Variants in SCN10A observed in about 807,000 individuals in gnomAD.
SCN10A encodes the protein sodium voltage-gated channel alpha subunit 10, also known as sodium channel protein type 10 subunit alpha.
A neutral mutation model predicts 170.7 loss-of-function variants in SCN10A; 162 were observed. The ratio of observed to expected loss-of-function variants is 0.95; its 90% CI spans 0.84 to 1.08. The LOEUF is 1.08. SCN10A is among the 50% of genes least tolerant of loss of function. The probability of loss-of-function intolerance (pLI) is 0.00; values close to 1 mark genes in which losing one functional copy is unlikely to be tolerated. For synonymous variants in SCN10A, 985 were observed against 904.6 expected (o/e 1.09, Z -1.59); for missense variants, 2,527 against 2,436.9 (o/e 1.04, Z -0.78).
rs758554451 is a variant in SCN10A at position 38,714,048 on chromosome 3, C to T, written c.3714G>A (p.Leu1238=). The change falls in exon 22 of 28, where the codon CTG becomes CTA. Residue 1238 remains leucine (L), a synonymous_variant. Transcript: ENST00000449082. Reference sequence around the variant, plus strand: ...TGATGGGAGCCACTTCAGAATATTCCAGAATCTTCGCTGTGAGACTTATCA... The same window carrying T: ...TGATGGGAGCCACTTCAGAATATTCTAGAATCTTCGCTGTGAGACTTATCA... ...ISLISLTAKI[L]EYSEVAPIKA... 3 of 1,614,084 alleles carry T rather than the reference C, an allele frequency of 1.9e-6. No individual in the cohort carries two copies. Among genetic ancestry groups the T allele is most frequent in the East Asian group, 4.5e-5 (2 of 44,896 alleles).
chr3:38,709,547 A>G lies in SCN10A; in HGVS notation c.4212T>C (p.Phe1404=), dbSNP rs370960686. 3.7e-5 allele frequency: 60 copies of G among 1,613,200 alleles called. No individual in the cohort carries two copies. Among genetic ancestry groups the G allele is most frequent in the Middle Eastern group, 1.6e-4 (1 of 6,080 alleles). ...MYLYFVIFII[F]GGFFTLNLFV... is the part of the protein sequence containing the mutation. ...AGAGATTCAGTGTGAAGAAGCCTCC[A>G]AAAATGATGAAGATGACAAAGTACA... The change falls in exon 25 of 28, where the codon TTT becomes TTC. Residue 1404 remains phenylalanine (F), a synonymous_variant. Transcript: ENST00000449082.
chr3:38,793,525 G>T (rs1187258865), intron 2 of SCN10A, among the ~76,000 whole-genome samples: 2 of 152,146 alleles, frequency 1.3e-5, no homozygotes, highest in East Asian at 3.9e-4. Flanking sequence ...TGCTTTTGAA[G>T]ATGTGGGTTT....
At chr3:38,794,411 T>C (rs370528120) in intron 1 of SCN10A, among the ~76,000 whole-genome samples, 174 of 152,294 alleles carry the variant, frequency 1.1e-3, no homozygotes, top group African/African-American at 4.1e-3. Context: ...AAGACTTTGG[T>C]TTATAGTCTA....
intron 2 of SCN10A, 24 bp downstream of exon 2, chr3:38,793,717 G>C (rs1306757722): frequency 1.2e-6 from 2 of 1,602,306 alleles, no homozygotes; most frequent in Non-Finnish European, 1.7e-6. Flanking sequence ...GCTGAGAGCA[G>C]ACATTCCTAC....
intron 13 of SCN10A, among the ~76,000 whole-genome samples, chr3:38,749,004 G>C: frequency 6.6e-6 from 1 of 152,174 alleles, no homozygotes; most frequent in Admixed American, 6.5e-5. Context: ...TGGAGATCCA[G>C]CTGTGAGCAA....
chr3:38,701,819 C>G lies in SCN10A; in HGVS notation c.4657+20G>C. The stretch of plus-strand genomic sequence containing the variant: ...CCCAAACAGAGGTGGGGCTTCCCCA[C>G]CACGTGGCTGCCCACTTACTCGCAA... On this transcript the variant is annotated intron_variant, in intron 27 of 27. Coordinates refer to ENST00000449082, the MANE Select transcript of SCN10A (RefSeq NM_006514.4). 6 of 1,582,344 alleles carry G rather than the reference C, an allele frequency of 3.8e-6. No homozygotes were observed. The highest frequency in any genetic ancestry group is 5.2e-6 in the Non-Finnish European group (6 of 1,162,474).
intron 1 of SCN10A, among the ~76,000 whole-genome samples, chr3:38,805,626 A>G (rs1559473010): frequency 1.3e-5 from 2 of 152,292 alleles, no homozygotes; most frequent in East Asian, 3.9e-4. Context: ...TAAGCTGTCT[A>G]GGAAAGATAT....
At chr3:38,727,086 A>G (rs200046448) in intron 16 of SCN10A, 34 bp from the exon 17 acceptor site, 58 of 1,574,694 alleles carry the variant, frequency 3.7e-5, no homozygotes, top group Middle Eastern at 1.7e-4. Context: ...AGATTGATCA[A>G]TCTCTAAGCT....
At chr3:38,735,266 G>A (rs2063549248) in intron 15 of SCN10A, among the ~76,000 whole-genome samples, 1 of 150,856 alleles carries the variant, frequency 6.6e-6, no homozygotes, top group Non-Finnish European at 1.5e-5. Context: ...ACATTGTATA[G>A]ATAAATTATT....
In SCN10A at chr3:38,772,720, AC is replaced by A. The variant is rs796576438; in HGVS notation, c.471-1314del. Among the ~76,000 whole-genome samples the A allele has an allele frequency of 7.7e-3, 680 of 87,796 alleles. 4 individuals are homozygous for A. Among genetic ancestry groups the A allele is most frequent in the African/African-American group, 0.021 (554 of 26,576 alleles). The allele number at this position is 87,796 out of a possible 152,430, so 57.6% of individuals were successfully genotyped here. A position where few individuals can be genotyped will look rare whatever the true frequency, so the allele number is the denominator to read the frequency against. Reference sequence around the variant, plus strand: ...AACAACAACAACAGCAACAACAACAACAACAAAAACAAAAACAAAAAAAAAA... The same window carrying A: ...AACAACAACAACAGCAACAACAACAAAACAAAAACAAAAACAAAAAAAAAA... On this transcript the variant is annotated intron_variant, in intron 4 of 27. Transcript: ENST00000449082.
chr3:38,805,959 G>C (rs2064402278), intron 1 of SCN10A, among the ~76,000 whole-genome samples: 1 of 152,160 alleles, frequency 6.6e-6, no homozygotes. Context: ...CGCTATCCAT[G>C]GTTCTGAAAT....
In SCN10A at chr3:38,750,086, G is replaced by A. The variant is rs747474998; in HGVS notation, c.1854C>T (p.Thr618=). The change falls in exon 13 of 28, where the codon ACC becomes ACT. Residue 618 remains threonine, a synonymous_variant. Transcript: ENST00000449082. ...QRAMSVVSII[T]SVLEELEESE... ...AGCAGCACTTACCCTCAAGGACGGA[G>A]GTTATGATACTGACAACACTCATTG... 6.2e-7 allele frequency: 1 copy of A among 1,600,628 alleles called. No individual in the cohort carries two copies. Among genetic ancestry groups the A allele is most frequent in the Non-Finnish European group, 8.6e-7 (1 of 1,168,004 alleles).
At chr3:38,786,299 T>TA (rs770097595) in intron 4 of SCN10A, among the ~76,000 whole-genome samples, 4 of 151,932 alleles carry the variant, frequency 2.6e-5, no homozygotes, top group African/African-American at 7.3e-5. Flanking sequence ...TATGCAGCCA[T>TA]AAAAAAGGGT....
intron 15 of SCN10A, among the ~76,000 whole-genome samples, chr3:38,736,134 C>T (rs2063557923): frequency 1.3e-5 from 2 of 152,152 alleles, no homozygotes; most frequent in South Asian, 4.1e-4. Flanking sequence ...ACTTCAAAGG[C>T]CCAAAGCCAA....
chr3:38,769,437 C>T (rs895665234), intron 5 of SCN10A, among the ~76,000 whole-genome samples: 5 of 151,994 alleles, frequency 3.3e-5, no homozygotes, highest in Admixed American at 6.6e-5. Flanking sequence ...CGGGGTTTCT[C>T]CATGTTGGCT....
chr3:38,779,275 A>G (rs1250447641), intron 4 of SCN10A, among the ~76,000 whole-genome samples: 2 of 152,122 alleles, frequency 1.3e-5, no homozygotes, highest in Non-Finnish European at 2.9e-5. Flanking sequence ...CTGTTCAGCT[A>G]ATTTCTATAA....
At chr3:38,720,797 G>A (rs1018506507) in intron 20 of SCN10A, among the ~76,000 whole-genome samples, 4 of 152,198 alleles carry the variant, frequency 2.6e-5, no homozygotes, top group African/African-American at 9.7e-5. Flanking sequence ...ACAAGCCAAT[G>A]ACGTAGTGAG....
intron 2 of SCN10A, 118 bp downstream of exon 2, chr3:38,793,623 A>T: frequency 1.1e-6 from 1 of 951,686 alleles, no homozygotes; most frequent in Non-Finnish European, 1.6e-6. Context: ...TTGGTTGTTA[A>T]CGGAATCTTT....
Position 38,718,647 on chromosome 3 carries a change from A to G in SCN10A, c.3681+6T>C, listed in dbSNP as rs770450864. On this transcript the variant is annotated splice_donor_region_variant and intron_variant, in intron 21 of 27. Transcript: ENST00000449082. ...AAACCCCACGTGTTCCCACTGAGCC[A>G]CTCACATTCACAATGAGGAAGTCCA... 1 of 1,614,012 alleles carries G rather than the reference A, an allele frequency of 6.2e-7. No individual in the cohort carries two copies. Among genetic ancestry groups the G allele is most frequent in the Non-Finnish European group, 8.5e-7 (1 of 1,179,946 alleles).
Sources: allele counts gnomAD v4.1 joint callset (sites outside exome capture counted in the v4.1 genomes callset), GRCh38; gene constraint gnomAD v4.1.1; transcripts MANE v1.5; gene names NCBI Gene and HGNC (gene_info 2026-07-23, HGNC 2026-07-21).